Variants in ANLN observed in about 807,000 individuals in gnomAD.
ANLN encodes the protein anillin.
In ANLN, 59 loss-of-function variants were observed where a neutral mutation model predicts 135.1. The observed-to-expected ratio is 0.44, with a 90% CI of 0.35 to 0.54. ANLN has a LOEUF of 0.54. ANLN is among the 20% of genes least tolerant of loss of function. The pLI is 0.00. For missense variants in ANLN, 1,182 were observed against 1,340.0 expected, an observed-to-expected ratio of 0.88 and a Z score of 1.84; for synonymous variants, 406 against 456.4, an observed-to-expected ratio of 0.89 and a Z score of 1.41.
At chr7:36,422,138 G>C (rs1787900887) in intron 13 of ANLN, 146 bp downstream of exon 13, 1 of 1,037,420 alleles carries the variant, frequency 9.6e-7, no homozygotes, top group South Asian at 1.8e-5. Context: ...GTTTTTATAA[G>C]GTTTAAGAAC....
At chr7:36,445,161 CTTTTTTTTTTTT>C (rs70977145) in intron 22 of ANLN, among the ~76,000 whole-genome samples, 16 of 57,824 alleles carry the variant, frequency 2.8e-4, no homozygotes, top group Admixed American at 5.0e-4. Flanking sequence ...ATTTGGGATT[CTTTTTTTTTTTT>C]TTTTTTTTTT....
chr7:36,420,573 T>C (rs761342706), intron 11 of ANLN, 24 bp from the exon 12 acceptor site: 2 of 1,594,842 alleles, frequency 1.3e-6, no homozygotes, highest in Non-Finnish European at 1.7e-6. Flanking sequence ...GGATTTCTAA[T>C]AGAGTGTAAC....
intron 2 of ANLN, 144 bp downstream of exon 2, chr7:36,396,563 A>G: frequency 2.8e-6 from 2 of 726,704 alleles, no homozygotes; most frequent in Non-Finnish European, 4.1e-6. Flanking sequence ...ACAGCCTTCT[A>G]TTCTATTTCA....
rs1206120682 is a variant in ANLN, at chr7:36,421,866, A to T, written c.2173A>T (p.Asn725Tyr). The part of the protein sequence containing the change: ...NIKQKMQELN[N>Y]EINMQQTVIY... ...TCATTGGTTTTCCTAGGAACTCAAT[A>T]ACGAAATAAATATGCAACAGACAGT... The change falls in exon 13 of 24, where the codon AAC (asparagine) becomes TAC (tyrosine). Residue 725 changes from asparagine (N) to tyrosine (Y), a missense_variant. This residue lies in a region of ANLN where 1,022 missense variants were observed against 1,134.0 expected (regional missense o/e 0.90). Coordinates refer to ENST00000265748, the MANE Select transcript of ANLN (RefSeq NM_018685.5). The T allele has an allele frequency of 6.2e-7, 1 of 1,606,872 alleles. No individual in the cohort carries two copies. Among genetic ancestry groups the T allele is most frequent in the Non-Finnish European group, 8.5e-7 (1 of 1,177,368 alleles).
At position 36,417,147 on chromosome 7, in the gene ANLN, A is replaced by G; in HGVS notation, c.1590A>G (p.Lys530=). Reference sequence around the variant, plus strand: ...TAACATTGTTTTTAGAAGAGGACAAATCCTTAAAAGTAACATCAGACCCAA... The same window carrying G: ...TAACATTGTTTTTAGAAGAGGACAAGTCCTTAAAAGTAACATCAGACCCAA... ...LKITLFLEED[K]SLKVTSDPKV... The change falls in exon 9 of 24, where the codon AAA becomes AAG. Residue 530 remains lysine (K), a synonymous_variant. Coordinates refer to ENST00000265748, the MANE Select transcript of ANLN (RefSeq NM_018685.5). The G allele has an allele frequency of 6.2e-7, 1 of 1,609,514 alleles. No individual in the cohort carries two copies. Among genetic ancestry groups the G allele is most frequent in the South Asian group, 1.1e-5 (1 of 89,440 alleles).
At chr7:36,445,128 C>CTTGGGATTTAGAGGCGTTTCAGAT (rs1788936619) in intron 22 of ANLN, among the ~76,000 whole-genome samples, 1 of 122,166 alleles carries the variant, frequency 8.2e-6, no homozygotes, top group African/African-American at 3.1e-5. Context: ...ATTCATAATC[C>CTTGGGATTTAGAGGCGTTTCAGAT]TTGGGATTTA....
rs1289636058 is a variant in ANLN, at chr7:36,389,914, C to T, written c.-113C>T. 7 of 1,594,590 alleles carry T rather than the reference C, an allele frequency of 4.4e-6. No individual in the cohort carries two copies. Among genetic ancestry groups the T allele is most frequent in the Non-Finnish European group, 6.0e-6 (7 of 1,165,010 alleles). ...AGGACAGCTGGTTGTGGGAGAGTTC[C>T]CCCGCCTCAGACTCCTGGTTTTTTC... On this transcript the variant is annotated 5_prime_UTR_variant, in exon 1 of 24. Coordinates refer to ENST00000265748, the MANE Select transcript of ANLN (RefSeq NM_018685.5).
In ANLN at chr7:36,420,612, A is replaced by G. The variant is rs1006491001; in HGVS notation, c.2031A>G (p.Arg677=). 1 of 1,613,068 alleles carries G rather than the reference A, an allele frequency of 6.2e-7. No individual in the cohort carries two copies. The highest frequency in any genetic ancestry group is 1.1e-5 in the South Asian group (1 of 91,060). Residue 677 remains arginine (R), a synonymous_variant, in exon 12 of 24, where the codon AGA becomes AGG. Transcript: ENST00000265748. ...CCTCTTGAAGCATTGATGCATATAG[A>G]TCTCAAAGATTCAAAGAAACAGAAC... is the stretch of plus-strand genomic sequence containing the variant. ...RDLLYSIDAY[R]SQRFKETERP...
chr7:36,410,379 G>T, intron 5 of ANLN, 135 bp from the exon 6 acceptor site: 1 of 730,046 alleles, frequency 1.4e-6, no homozygotes, highest in Non-Finnish European at 2.1e-6. Context: ...TATTTTTATA[G>T]TCTACTTTGT....
rs540754225 is a variant in ANLN, at chr7:36,392,751, A to AT, written c.18+2716dup. ...GGATCTTTTTTTGTGTATCTATTTA[A>AT]TTTTTTTTTAATCTGGGAATTTTTG... On this transcript the variant is annotated intron_variant, in intron 1 of 23. Coordinates refer to ENST00000265748, the MANE Select transcript of ANLN (RefSeq NM_018685.5). Among the ~76,000 whole-genome samples, 1,017 of 151,090 alleles carry AT rather than the reference A, an allele frequency of 6.7e-3. 7 individuals are homozygous for AT. Among genetic ancestry groups the AT allele is most frequent in the Non-Finnish European group, 8.9e-3 (603 of 67,746 alleles).
Position 36,389,878 on chromosome 7 carries a change from G to A in ANLN, c.-149G>A, listed in dbSNP as rs1786341569. The A allele has an allele frequency of 2.0e-5, 28 of 1,412,254 alleles. No homozygotes were observed. Among genetic ancestry groups the A allele is most frequent in the South Asian group, 1.5e-4 (13 of 84,634 alleles). 87.5% of individuals were successfully genotyped at this position (1,412,254 alleles called of 1,614,324 possible). A position where few individuals can be genotyped will look rare whatever the true frequency, so the allele number is the denominator to read the frequency against. ...GCAGAGGCCGAGTCCGTCACTGGAA[G>A]CCGAGAGGAGAGGACAGCTGGTTGT... On this transcript the variant is annotated 5_prime_UTR_variant, in exon 1 of 24. Transcript: ENST00000265748.
intron 3 of ANLN, among the ~76,000 whole-genome samples, chr7:36,405,493 T>C (rs906944734): frequency 1.3e-5 from 2 of 152,206 alleles, no homozygotes; most frequent in Admixed American, 6.5e-5. Context: ...CTTTCCTTGA[T>C]TGAATTTGTG....
Position 36,399,256 on chromosome 7 carries a change from T to C in ANLN, c.350T>C (p.Val117Ala). The change falls in exon 3 of 24, where the codon GTT becomes GCT. Residue 117 changes from valine (V) to alanine (A), a missense_variant. This residue lies in a region of ANLN where 1,022 missense variants were observed against 1,134.0 expected (regional missense o/e 0.90). Transcript: ENST00000265748. ...GCAGCAGATACCATCAGTGATTCTG[T>C]TGCTGTCCCGGCATCACTGCTGGGC... ...PQAADTISDS[V>A]AVPASLLGMR... is the part of the protein sequence containing the mutation. 1 of 1,614,176 alleles carries C rather than the reference T, an allele frequency of 6.2e-7. No individual in the cohort carries two copies. Among genetic ancestry groups the C allele is most frequent in the Non-Finnish European group, 8.5e-7 (1 of 1,180,026 alleles).
intron 1 of ANLN, among the ~76,000 whole-genome samples, chr7:36,393,013 ATTTCTTT>A (rs1010511354): frequency 5.3e-5 from 8 of 150,620 alleles, no homozygotes; most frequent in African/African-American, 2.0e-4. Flanking sequence ...AGGAGACATT[ATTTCTTT>A]TTTCTTTTTT....
At chr7:36,398,063 T>C (rs892537368) in intron 2 of ANLN, among the ~76,000 whole-genome samples, 1 of 152,246 alleles carries the variant, frequency 6.6e-6, no homozygotes, top group African/African-American at 2.4e-5. Flanking sequence ...GTTTAGGCAG[T>C]TGATGAAACT....
At chr7:36,414,816 G>C (rs1233848041) in intron 7 of ANLN, among the ~76,000 whole-genome samples, 1 of 152,168 alleles carries the variant, frequency 6.6e-6, no homozygotes, top group African/African-American at 2.4e-5. Context: ...ACTAGACCTG[G>C]AACAAGAGTA....
rs753338257 is a variant in ANLN at position 36,423,906 on chromosome 7, A to G, written c.2566A>G (p.Asn856Asp). 5 of 1,612,724 alleles carry G rather than the reference A, an allele frequency of 3.1e-6. No homozygotes were observed. The highest frequency in any genetic ancestry group is 4.2e-6 in the Non-Finnish European group (5 of 1,179,248). The change falls in exon 15 of 24, where the codon AAC becomes GAC. Residue 856 changes from asparagine (N) to aspartate (D), a missense_variant. Asn to Asp is a conservative substitution (Grantham distance 23). Around this residue, in one of 3 missense-constraint regions of ANLN, gnomAD observed 1,022 missense variants for 1,134.0 expected, o/e 0.90. Coordinates refer to ENST00000265748, the MANE Select transcript of ANLN (RefSeq NM_018685.5). ...ATTAGCAAGTACTTCAAACTCTCTT[A>G]ACGGTGATGCTCTGACATTCACTAC... ...TPLASTSNSL[N>D]GDALTFTTTF... is the part of the protein sequence containing the mutation.
rs201109913 is a variant in ANLN, at chr7:36,419,429, A to G, written c.1819A>G (p.Met607Val). The G allele has an allele frequency of 5.0e-6, 8 of 1,614,122 alleles. No individual in the cohort carries two copies. Among genetic ancestry groups the G allele is most frequent in the Middle Eastern group, 1.6e-4 (1 of 6,062 alleles). Residue 607 changes from methionine (M) to valine (V), a missense_variant, in exon 10 of 24, where the codon ATG becomes GTG. By Grantham distance (21) the Met-to-Val change is conservative (BLOSUM62 1). This residue lies in a region of ANLN where 1,022 missense variants were observed against 1,134.0 expected (regional missense o/e 0.90). Transcript: ENST00000265748. ...GGAAGATGCACTGAATATCTCCTCA[A>G]TGTCTTTACTTGCACCATTGGCACA... ...EQEDALNISS[M>V]SLLAPLAQTV...
At chr7:36,442,784 G>A (rs958585987) in intron 21 of ANLN, among the ~76,000 whole-genome samples, 6 of 151,686 alleles carry the variant, frequency 4.0e-5, no homozygotes, top group South Asian at 2.1e-4. Flanking sequence ...GATGCTCACC[G>A]CCACGCCTGG....
Sources: gnomAD v4.1 joint callset for allele counts (sites outside exome capture counted in the v4.1 genomes callset) on GRCh38, gnomAD v4.1.1 for gene constraint, gnomAD v4.1.1 regional missense constraint, MANE v1.5 for transcripts, NCBI Gene and HGNC (gene_info 2026-07-23, HGNC 2026-07-21) for gene names.